RNF2: variants seen among roughly 807,000 people sequenced by gnomAD.
RNF2 encodes the protein E3 ubiquitin-protein ligase RING2.
Under a neutral mutation model 37.2 loss-of-function variants are expected in RNF2, and 6 were observed. The observed-to-expected ratio is 0.16, with a 90% CI of 0.09 to 0.32. RNF2 has a LOEUF of 0.32. RNF2 is among the 10% of genes least tolerant of loss of function. The pLI, the probability that RNF2 is intolerant of heterozygous loss-of-function variation, is 1.00. For missense variants in RNF2, 251 were observed against 404.0 expected (o/e 0.62, Z 3.25); for synonymous variants, 133 against 132.7 (o/e 1.00, Z -0.02).
intron 1 of RNF2, among the ~76,000 whole-genome samples, chr1:185,045,857 T>A (rs939335963): frequency 6.6e-6 from 1 of 151,902 alleles, no homozygotes; most frequent in African/African-American, 2.4e-5. Context: ...ATTGTTCCCG[T>A]GTCTTCGAGG....
At chr1:185,097,719 T>A (rs1424883964) in intron 4 of RNF2, among the ~76,000 whole-genome samples, 1 of 152,288 alleles carries the variant, frequency 6.6e-6, no homozygotes. Context: ...TTGTTGTTGG[T>A]AGAGACAGGG....
intron 1 of RNF2, among the ~76,000 whole-genome samples, chr1:185,073,751 A>G (rs1050819505): frequency 1.3e-5 from 2 of 152,236 alleles, no homozygotes; most frequent in Non-Finnish European, 2.9e-5. Context: ...TAAAAGGGAA[A>G]TGCATCTACT....
intron 1 of RNF2, among the ~76,000 whole-genome samples, chr1:185,053,799 TAAG>T (rs1650345211): frequency 6.6e-6 from 1 of 152,190 alleles, no homozygotes; most frequent in Non-Finnish European, 1.5e-5. Flanking sequence ...CACGTGACAT[TAAG>T]TAGTATTAGG....
intron 1 of RNF2, among the ~76,000 whole-genome samples, chr1:185,053,925 T>G (rs1270864202): frequency 6.6e-6 from 1 of 152,200 alleles, no homozygotes; most frequent in Non-Finnish European, 1.5e-5. Flanking sequence ...TAGCTCATTC[T>G]TGGATGGATG....
At chr1:185,095,203 C>G (rs1456440967) in intron 4 of RNF2, among the ~76,000 whole-genome samples, 1 of 152,198 alleles carries the variant, frequency 6.6e-6, no homozygotes, top group Non-Finnish European at 1.5e-5. Flanking sequence ...TTCAGTTTAG[C>G]CTTTTACTAA....
chr1:185,085,869 C>T (rs1329523280), intron 1 of RNF2, among the ~76,000 whole-genome samples: 1 of 152,056 alleles, frequency 6.6e-6, no homozygotes, highest in Non-Finnish European at 1.5e-5. Context: ...CCAGGCTGGT[C>T]TCGAACTCCT....
intron 1 of RNF2, among the ~76,000 whole-genome samples, chr1:185,066,898 G>T (rs1451448818): frequency 6.6e-6 from 1 of 152,108 alleles, no homozygotes; most frequent in Non-Finnish European, 1.5e-5. Flanking sequence ...AATGTGGTAG[G>T]AAGCACAGAT....
chr1:185,048,766 T>TAA (rs201413941), intron 1 of RNF2, among the ~76,000 whole-genome samples: 1 of 147,138 alleles, frequency 6.8e-6, no homozygotes. Flanking sequence ...TCACATGTAG[T>TAA]AAAAAAAAAA....
In RNF2 at chr1:185,099,758, A is replaced by G. The variant is rs759217170; in HGVS notation, c.738-33A>G. On this transcript the variant is annotated intron_variant, in intron 5 of 6. Coordinates refer to ENST00000367510, the MANE Select transcript of RNF2 (RefSeq NM_007212.4). ...TACATTTTTCTCATTGGCATATTCT[A>G]GAAATGAAATTTTTAATGATTTATT... The G allele has an allele frequency of 5.1e-6, 8 of 1,570,544 alleles. No individual in the cohort carries two copies. In the East Asian group the frequency reaches 1.3e-4, roughly 26 times the overall value.
At chr1:185,096,960 A>T (rs375527799) in intron 4 of RNF2, among the ~76,000 whole-genome samples, 339 of 150,612 alleles carry the variant, frequency 2.3e-3, no homozygotes, top group African/African-American at 7.9e-3. Context: ...ATTCTTTCAT[A>T]TTTCTTTTTC....
chr1:185,057,145 A>G (rs1017470828), intron 1 of RNF2, among the ~76,000 whole-genome samples: 1 of 152,034 alleles, frequency 6.6e-6, no homozygotes, highest in Admixed American at 6.6e-5. Context: ...CTGTCTCTAT[A>G]AAAAAGAAAA....
At chr1:185,088,513 G>A (rs1342522941) in intron 2 of RNF2, among the ~76,000 whole-genome samples, 1 of 150,232 alleles carries the variant, frequency 6.7e-6, no homozygotes, top group Non-Finnish European at 1.5e-5. Context: ...CCGAGATTGC[G>A]CCATTGCACT....
Position 185,100,772 on chromosome 1 carries a change from G to A in RNF2, c.*471G>A, listed in dbSNP as rs1652056886. The A allele has an allele frequency of 6.6e-6, 1 of 152,228 alleles. No individual in the cohort carries two copies. Among genetic ancestry groups the A allele is most frequent in the Admixed American group, 6.6e-5 (1 of 15,238 alleles). The allele number at this position is 152,228 out of a possible 1,614,324, so 9.4% of individuals were successfully genotyped here. On this transcript the variant is annotated 3_prime_UTR_variant, in exon 7 of 7. Coordinates refer to ENST00000367510, the MANE Select transcript of RNF2 (RefSeq NM_007212.4). Reference sequence around the variant, plus strand: ...ATATAAACTGTAGTATCTTCATGAAGACCCAAGGCTCAAATTTACTGTCCT... The same window carrying A: ...ATATAAACTGTAGTATCTTCATGAAAACCCAAGGCTCAAATTTACTGTCCT...
chr1:185,054,406 C>A (rs1354816905), intron 1 of RNF2, among the ~76,000 whole-genome samples: 1 of 152,212 alleles, frequency 6.6e-6, no homozygotes, highest in East Asian at 1.9e-4. Context: ...AGGCTGGACA[C>A]TGTGCTCTGT....
intron 1 of RNF2, chr1:185,071,469 A>G (rs959806344): frequency 6.6e-5 from 10 of 152,238 alleles, no homozygotes; most frequent in African/African-American, 2.4e-4. Flanking sequence ...TTTGGGAACA[A>G]AAGGAAAGTA....
At chr1:185,069,994 ATTTTC>A (rs1650919960) in intron 1 of RNF2, among the ~76,000 whole-genome samples, 1 of 152,186 alleles carries the variant, frequency 6.6e-6, no homozygotes, top group South Asian at 2.1e-4. Flanking sequence ...TACTTTCAGT[ATTTTC>A]TTCTCTAAAA....
At chr1:185,060,737 T>C (rs926370516) in intron 1 of RNF2, among the ~76,000 whole-genome samples, 1 of 152,200 alleles carries the variant, frequency 6.6e-6, no homozygotes, top group East Asian at 1.9e-4. Context: ...TTGGAGAAGA[T>C]GAAAAAATCT....
At chr1:185,085,139 C>CTT (rs1651543941) in intron 1 of RNF2, among the ~76,000 whole-genome samples, 1 of 116,186 alleles carries the variant, frequency 8.6e-6, no homozygotes, top group Non-Finnish European at 1.8e-5. Flanking sequence ...ACCCTTCTTT[C>CTT]TTTTTCTTTT....
chr1:185,046,392 G>A (rs992425353), intron 1 of RNF2: 3 of 152,186 alleles, frequency 2.0e-5, no homozygotes, highest in African/African-American at 7.2e-5. Context: ...ACGCTGAGAT[G>A]CTAGTACCCA....
Sources: allele counts gnomAD v4.1 joint callset (sites outside exome capture counted in the v4.1 genomes callset), GRCh38; gene constraint gnomAD v4.1.1; transcripts MANE v1.5; gene names NCBI Gene and HGNC (gene_info 2026-07-23, HGNC 2026-07-21).